METTL22: variants seen among roughly 807,000 people sequenced by gnomAD.
METTL22 encodes the protein methyltransferase-like protein 22.
Under a neutral mutation model 48.4 loss-of-function variants are expected in METTL22, and 51 were observed. The ratio of observed to expected loss-of-function variants is 1.05; its 90% confidence interval spans 0.84 to 1.33. The LOEUF (loss-of-function observed/expected upper bound fraction) is 1.33. Ranked by LOEUF, METTL22 falls within the 40% of genes most tolerant of loss-of-function variation. The probability of loss-of-function intolerance (pLI) is 0.00; values close to 1 mark genes in which losing one functional copy is unlikely to be tolerated. For missense variants in METTL22, 678 were observed against 526.9 expected (o/e 1.29, Z -2.81); for synonymous variants, 255 against 214.1 (o/e 1.19, Z -1.67).
At chr16:8,659,152 G>A in the METTL22 span, among the ~76,000 whole-genome samples, 1 of 152,072 alleles carries the variant, frequency 6.6e-6, no homozygotes, top group African/African-American at 2.4e-5. Flanking sequence ...CCAACATGGT[G>A]AAACCCCATC....
chr16:8,625,794 G>A lies in METTL22; in HGVS notation c.129G>A (p.Gln43=). 1.2e-6 allele frequency: 2 copies of A among 1,614,076 alleles called. No individual in the cohort carries two copies. The highest frequency in any genetic ancestry group is 1.7e-6 in the Non-Finnish European group (2 of 1,179,972). ...TGGTACGGCTGAACAGCGTGGGGCAGCCAGGTAAGGTCCTGGGCCCAGGTG... is the reference window on the plus strand; with the variant it reads ...TGGTACGGCTGAACAGCGTGGGGCAACCAGGTAAGGTCCTGGGCCCAGGTG... ...HLMVRLNSVG[Q]PVFLSQFKLL... Residue 43 remains glutamine, a synonymous_variant, in exon 2 of 11, where the codon CAG becomes CAA. Coordinates refer to ENST00000381920, the MANE Select transcript of METTL22 (RefSeq NM_024109.4).
intron 1 of METTL22, among the ~76,000 whole-genome samples, chr16:8,622,149 C>A (rs1418447465): frequency 6.6e-6 from 1 of 152,238 alleles, no homozygotes; most frequent in Non-Finnish European, 1.5e-5. Flanking sequence ...TACCACTCTA[C>A]GCACCGTGGC....
At chr16:8,635,421 T>C in intron 5 of METTL22, 109 bp downstream of exon 5, 1 of 1,346,382 alleles carries the variant, frequency 7.4e-7, no homozygotes, top group Non-Finnish European at 9.8e-7. Context: ...TTAGCTGTTG[T>C]TGATTTTGCC....
intron 7 of METTL22, chr16:8,641,514 G>C (rs1330963329): frequency 3.8e-6 from 2 of 523,692 alleles, no homozygotes; most frequent in Non-Finnish European, 7.4e-6. Context: ...GAGTTTGTCA[G>C]ACTCTGGGGC....
chr16:8,633,704 C>T (rs2056335977), intron 3 of METTL22, among the ~76,000 whole-genome samples: 1 of 152,252 alleles, frequency 6.6e-6, no homozygotes, highest in Non-Finnish European at 1.5e-5. Flanking sequence ...CTCACCCAGC[C>T]ACCTTTTCCT....
chr16:8,661,196 A>G, the METTL22 span, among the ~76,000 whole-genome samples: 1 of 149,702 alleles, frequency 6.7e-6, no homozygotes, highest in Admixed American at 6.7e-5. Flanking sequence ...CAAGGTAATC[A>G]TCAGTCCTGG....
At chr16:8,642,604 G>A (rs757233314) in intron 9 of METTL22, 39 bp downstream of exon 9, 2 of 1,570,128 alleles carry the variant, frequency 1.3e-6, no homozygotes, top group Admixed American at 1.7e-5. Context: ...GACGTCCCGA[G>A]TGTCAGCGGA....
At chr16:8,626,699 C>G (rs1415152231) in intron 2 of METTL22, among the ~76,000 whole-genome samples, 1 of 151,266 alleles carries the variant, frequency 6.6e-6, no homozygotes, top group South Asian at 2.1e-4. Context: ...TCCTCCCACC[C>G]CGGCCTCCCA....
At chr16:8,660,695 A>T in the METTL22 span, among the ~76,000 whole-genome samples, 20 of 151,558 alleles carry the variant, frequency 1.3e-4, no homozygotes, top group African/African-American at 4.4e-4. Flanking sequence ...AGAAAGAACA[A>T]TAGAGCCATC....
chr16:8,663,270 C>G, the METTL22 span, among the ~76,000 whole-genome samples: 8 of 149,056 alleles, frequency 5.4e-5, no homozygotes, highest in East Asian at 9.9e-4. Context: ...TATTATTAAT[C>G]TCTGTTGCAT....
In METTL22 at chr16:8,647,791, G is replaced by A. The variant is rs563679664; in HGVS notation, c.*1648G>A. ...GGGAGCAAGAAGAAAACCTATGCAT[G>A]TACGTTATTATAAATCTTCAAAGAA... On this transcript the variant is annotated 3_prime_UTR_variant, in exon 11 of 11. Coordinates refer to ENST00000381920, the MANE Select transcript of METTL22 (RefSeq NM_024109.4). 1 of 152,332 alleles carries A rather than the reference G, an allele frequency of 6.6e-6. No individual in the cohort carries two copies. The highest frequency in any genetic ancestry group is 6.5e-5 in the Admixed American group (1 of 15,304). The allele number at this position is 152,332 out of a possible 1,614,324, so 9.4% of individuals were successfully genotyped here.
Position 8,638,767 on chromosome 16 carries a change from T to C in METTL22, c.701-324T>C, listed in dbSNP as rs368913929. ...AAATGGGATTCATGATCCCAGCTCC[T>C]GTGTGGCCATAAACATGAAAACGAT... On this transcript the variant is annotated intron_variant, in intron 5 of 10. Coordinates refer to ENST00000381920, the MANE Select transcript of METTL22 (RefSeq NM_024109.4). Among the ~76,000 whole-genome samples, 80 of 152,282 alleles carry C rather than the reference T, an allele frequency of 5.3e-4. No individual in the cohort carries two copies. The East Asian group carries it at 0.013, about 25-fold the overall frequency.
In METTL22 at chr16:8,625,022, G is replaced by C. The variant is rs1022991272; in HGVS notation, c.-170-474G>C. Among the ~76,000 whole-genome samples, 94 of 146,952 alleles carry C rather than the reference G, an allele frequency of 6.4e-4. 1 individual carries two copies. Among genetic ancestry groups the C allele is most frequent in the African/African-American group, 2.4e-3 (92 of 38,154 alleles). ...AGATTGTGATTGGATACTGGTTTCT[G>C]GGGGAAAAAAAACCTCAAAGACCTT... On this transcript the variant is annotated intron_variant, in intron 1 of 10. Transcript: ENST00000381920.
intron 10 of METTL22, 141 bp from the exon 11 acceptor site, chr16:8,645,967 G>C (rs189275986): frequency 1.7e-5 from 24 of 1,434,430 alleles, no homozygotes; most frequent in Middle Eastern, 2.6e-4. Flanking sequence ...GAAGCCGCCC[G>C]TCCGCTCCTG....
In METTL22 at chr16:8,635,246, C is replaced by T; in HGVS notation, c.634C>T (p.Leu212Phe). The T allele has an allele frequency of 1.2e-6, 2 of 1,609,644 alleles. No homozygotes were observed. The highest frequency in any genetic ancestry group is 1.7e-6 in the Non-Finnish European group (2 of 1,177,586). Residue 212 changes from leucine (L) to phenylalanine (F), a missense_variant, in exon 5 of 11, where the codon CTC (leucine) becomes TTC (phenylalanine). Physicochemically the swap from Leu to Phe is conservative, Grantham distance 22. Coordinates refer to ENST00000381920, the MANE Select transcript of METTL22 (RefSeq NM_024109.4). ...CTTCCGAGGATGTACAGCGCTGGAG[C>T]TCGGGGCCGGCACGGGGCTCGCTAG... ...DLFRGCTALE[L>F]GAGTGLASII...
At chr16:8,660,207 C>T in the METTL22 span, among the ~76,000 whole-genome samples, 2 of 150,360 alleles carry the variant, frequency 1.3e-5, no homozygotes, top group African/African-American at 4.9e-5. Context: ...GATGGAGTCT[C>T]ACTCTGTTGC....
At chr16:8,664,090 ATT>A in the METTL22 span, among the ~76,000 whole-genome samples, 54 of 142,070 alleles carry the variant, frequency 3.8e-4, no homozygotes, top group African/African-American at 4.4e-4. Flanking sequence ...AAGTTTTTTA[ATT>A]TTTTTTTTTT....
chr16:8,639,020 C>T, intron 5 of METTL22, 71 bp from the exon 6 acceptor site: 1 of 1,374,694 alleles, frequency 7.3e-7, no homozygotes, highest in East Asian at 2.6e-5. Flanking sequence ...ACAGCTCTCT[C>T]TAGGCAAAAA....
chr16:8,649,734 G>T (rs1018980111), downstream of METTL22: 2 of 152,106 alleles, frequency 1.3e-5, no homozygotes, highest in Non-Finnish European at 2.9e-5. Flanking sequence ...AACCCGGGAG[G>T]TGGAGGTTGC....
Sources: gnomAD v4.1 joint callset for allele counts (sites outside exome capture counted in the v4.1 genomes callset) on GRCh38, gnomAD v4.1.1 for gene constraint, MANE v1.5 for transcripts, NCBI Gene and HGNC (gene_info 2026-07-23, HGNC 2026-07-21) for gene names.